TDP1: variants seen among roughly 807,000 people sequenced by gnomAD.
TDP1 encodes tyrosyl-DNA phosphodiesterase 1, also known as tyr-DNA phosphodiesterase 1.
Under a neutral mutation model 81.5 loss-of-function variants are expected in TDP1, and 64 were observed. That is an observed-to-expected ratio of 0.79 (90% CI 0.64 to 0.97). The LOEUF (loss-of-function observed/expected upper bound fraction) is 0.97. Ranked by LOEUF, TDP1 falls within the 50% of genes least tolerant of loss-of-function variation. The pLI is 0.00. For synonymous variants in TDP1, 256 were observed against 264.3 expected, an observed-to-expected ratio of 0.97 and a Z score of 0.30; for missense variants, 723 against 743.8, an observed-to-expected ratio of 0.97 and a Z score of 0.33.
At chr14:89,973,948 C>T (rs1456475638) in intron 6 of TDP1, among the ~76,000 whole-genome samples, 1 of 152,084 alleles carries the variant, frequency 6.6e-6, no homozygotes. Context: ...CATAGGCTGT[C>T]TGGTAGCTCT....
intron 14 of TDP1, among the ~76,000 whole-genome samples, chr14:90,013,899 T>G (rs1329216615): frequency 6.6e-6 from 1 of 152,150 alleles, no homozygotes; most frequent in Non-Finnish European, 1.5e-5. Context: ...AAGTGACTTG[T>G]TCCCCCTTGC....
At position 89,963,164 on chromosome 14, in the gene TDP1, A is replaced by G. The variant is rs1596497913; in HGVS notation, c.50A>G (p.Glu17Gly). Residue 17 changes from glutamate to glycine, a missense_variant, in exon 3 of 17, where the codon GAA becomes GGA. Physicochemically the swap from Glu to Gly is moderately conservative, Grantham distance 98. Coordinates refer to ENST00000335725, the MANE Select transcript of TDP1 (RefSeq NM_018319.4). Reference protein sequence around the residue: ...YGRWTISSSDESEEEKPKPDK... With the variant: ...YGRWTISSSDGSEEEKPKPDK... The stretch of plus-strand genomic sequence containing the variant: ...AGGTGGACCATATCTAGTAGTGATG[A>G]AAGTGAGGAAGAAAAGCCAAAACCA... 6.2e-7 allele frequency: 1 copy of G among 1,614,148 alleles called. No homozygotes were observed. The highest frequency in any genetic ancestry group is 2.2e-5 in the East Asian group (1 of 44,872).
At chr14:89,987,120 T>C (rs1332999991) in intron 10 of TDP1, 1 of 152,276 alleles carries the variant, frequency 6.6e-6, no homozygotes, top group African/African-American at 2.4e-5. Flanking sequence ...CTATGACTGT[T>C]AAGCCTCTTT....
chr14:90,032,453 G>A (rs1471522232), intron 15 of TDP1, among the ~76,000 whole-genome samples: 1 of 152,040 alleles, frequency 6.6e-6, no homozygotes, highest in African/African-American at 2.4e-5. Context: ...GCACGAGGGG[G>A]CACATCGGTC....
At position 90,043,410 on chromosome 14, in the gene TDP1, T is replaced by G; in HGVS notation, c.*267T>G. 1 of 543,918 alleles carries G rather than the reference T, an allele frequency of 1.8e-6. No individual in the cohort carries two copies. The allele number at this position is 543,918 out of a possible 1,614,324, so 33.7% of individuals were successfully genotyped here. On this transcript the variant is annotated 3_prime_UTR_variant, in exon 17 of 17. Transcript: ENST00000335725. ...ATGTTAAAAATACGTACTGCTTGAG[T>G]ATCCCCTGTCTGAAATGCTTGGGAC...
At position 89,956,726 on chromosome 14, in the gene TDP1, C is replaced by G. The variant is rs1324114165; in HGVS notation, c.-82C>G. ...CAGCCCGGGCAACATGGTGAAACCC[C>G]GTCTCTACAAAAATAGAAAAATTAG... On this transcript the variant is annotated 5_prime_UTR_variant, in exon 2 of 17. Transcript: ENST00000335725. The G allele has an allele frequency of 6.6e-6, 1 of 152,186 alleles. No homozygotes were observed. Among genetic ancestry groups the G allele is most frequent in the East Asian group, 1.9e-4 (1 of 5,192 alleles). The allele number at this position is 152,186 out of a possible 1,614,324, so 9.4% of individuals were successfully genotyped here.
At chr14:89,972,311 A>G (rs979021439) in intron 6 of TDP1, among the ~76,000 whole-genome samples, 1 of 152,154 alleles carries the variant, frequency 6.6e-6, no homozygotes, top group African/African-American at 2.4e-5. Flanking sequence ...AGAGCTACAC[A>G]CTTTTATCAA....
At chr14:89,998,503 G>A (rs58172116) in intron 14 of TDP1, among the ~76,000 whole-genome samples, 4,865 of 147,312 alleles carry the variant, frequency 0.033, 326 homozygotes, top group African/African-American at 0.12. Context: ...GTTCTACAGT[G>A]TATCCATTAA....
At chr14:89,977,099 G>A (rs908729109) in intron 7 of TDP1, among the ~76,000 whole-genome samples, 61 of 152,226 alleles carry the variant, frequency 4.0e-4, no homozygotes, top group Middle Eastern at 6.8e-3. Context: ...AGGTTGTGGC[G>A]AGCCAAGATC....
intron 14 of TDP1, among the ~76,000 whole-genome samples, chr14:90,010,891 C>T (rs556367039): frequency 7.2e-5 from 11 of 152,244 alleles, no homozygotes; most frequent in South Asian, 2.1e-4. Flanking sequence ...TGATACTTCA[C>T]GGAGGTAAAC....
rs148839664 is a variant in TDP1, at chr14:90,043,070, A to G, written c.1754A>G (p.Asp585Gly). 7 of 1,614,034 alleles carry G rather than the reference A, an allele frequency of 4.3e-6. No homozygotes were observed. In the African/African-American group the frequency reaches 8.0e-5, roughly 18 times the overall value. ...ATTACGTAATGTGTTTTTCCCCCAG[A>G]TCGGCCATGGATATGGAACATTCCT... ...DLPPELYGSK[D>G]RPWIWNIPYV... The change falls in exon 17 of 17, where the codon GAT becomes GGT. Residue 585 changes from aspartate to glycine, a missense_variant and splice_region_variant. Asp to Gly is a moderately conservative substitution (Grantham distance 94, BLOSUM62 -1). Transcript: ENST00000335725.
chr14:89,975,107 G>A (rs368248669), intron 6 of TDP1, among the ~76,000 whole-genome samples: 2 of 152,090 alleles, frequency 1.3e-5, no homozygotes, highest in South Asian at 2.1e-4. Flanking sequence ...ACGGAGTCTC[G>A]CTCTGTCACC....
chr14:89,960,628 C>T (rs1443580219), intron 2 of TDP1, among the ~76,000 whole-genome samples: 1 of 152,190 alleles, frequency 6.6e-6, no homozygotes, highest in African/African-American at 2.4e-5. Context: ...CCCCAGCCCT[C>T]TCTACAGTCA....
At chr14:90,015,401 A>G (rs145383028) in intron 14 of TDP1, among the ~76,000 whole-genome samples, 46 of 152,330 alleles carry the variant, frequency 3.0e-4, no homozygotes, top group Non-Finnish European at 4.3e-4. Flanking sequence ...CAAACCTGTA[A>G]TAAGCAGTCA....
rs760984618 is a variant in TDP1 at position 89,963,665 on chromosome 14, A to C, written c.551A>C (p.His184Pro). The C allele has an allele frequency of 6.2e-6, 10 of 1,613,872 alleles. No homozygotes were observed. The highest frequency in any genetic ancestry group is 1.7e-5 in the Admixed American group (1 of 59,994). The stretch of plus-strand genomic sequence containing the variant: ...CCAAAGTATAACTCTGGAGCCCTCC[A>C]CATCAAGGGTAAGAGGATGCTGGGT... ...VKPKYNSGAL[H>P]IKDILSPLFG... The change falls in exon 3 of 17, where the codon CAC becomes CCC. Residue 184 changes from histidine to proline, a missense_variant. His to Pro is a moderately conservative substitution (Grantham distance 77). Coordinates refer to ENST00000335725, the MANE Select transcript of TDP1 (RefSeq NM_018319.4).
At chr14:90,032,944 G>T in intron 15 of TDP1, 162 bp from the exon 16 acceptor site, 3 of 795,422 alleles carry the variant, frequency 3.8e-6, no homozygotes, top group Non-Finnish European at 4.6e-6. Context: ...GGGGCGGGGG[G>T]GTTGTAAATA....
At chr14:89,974,622 G>A (rs35501816) in intron 6 of TDP1, among the ~76,000 whole-genome samples, 8,556 of 152,240 alleles carry the variant, frequency 0.056, 518 homozygotes, top group African/African-American at 0.15. Flanking sequence ...TGATTGCCAC[G>A]ATTATAGAGT....
intron 5 of TDP1, among the ~76,000 whole-genome samples, chr14:89,969,319 G>A (rs1893313166): frequency 6.6e-6 from 1 of 152,182 alleles, no homozygotes; most frequent in Non-Finnish European, 1.5e-5. Context: ...ATCTTGGGAA[G>A]GCTATTACGA....
chr14:89,998,296 T>G (rs1443858572), intron 14 of TDP1, among the ~76,000 whole-genome samples: 1 of 148,160 alleles, frequency 6.7e-6, no homozygotes. Context: ...CAAATTTGGT[T>G]TAGGTTATTG....
Sources: allele counts gnomAD v4.1 joint callset (sites outside exome capture counted in the v4.1 genomes callset), GRCh38; gene constraint gnomAD v4.1.1; transcripts MANE v1.5; gene names NCBI Gene and HGNC (gene_info 2026-07-23, HGNC 2026-07-21).